The following SGCZ variants were observed in gnomAD, a reference collection of about 807,000 sequenced individuals.
The protein encoded by SGCZ is zeta-sarcoglycan.
SGCZ carries 40 observed loss-of-function variants against 41.3 expected under a neutral mutation model. The ratio of observed to expected loss-of-function variants is 0.97; its 90% CI spans 0.75 to 1.26. SGCZ has a LOEUF of 1.26. SGCZ is among the 50% of genes most tolerant of loss of function. SGCZ has a pLI of 0.00. For synonymous variants in SGCZ, 206 were observed against 137.5 expected, an observed-to-expected ratio of 1.50 and a Z score of -3.49; for missense variants, 552 against 369.8, an observed-to-expected ratio of 1.49 and a Z score of -4.04.
intron 1 of SGCZ, among the ~76,000 whole-genome samples, chr8:15,055,892 G>C (rs1198908635): frequency 2.0e-5 from 3 of 152,276 alleles, no homozygotes; most frequent in Middle Eastern, 3.4e-3. Context: ...CAGTTCCCCT[G>C]TGACCTGCTC....
At chr8:14,240,027 G>C (rs953245781) in intron 3 of SGCZ, among the ~76,000 whole-genome samples, 10 of 151,458 alleles carry the variant, frequency 6.6e-5, no homozygotes, top group African/African-American at 1.9e-4. Context: ...AAATAGACTT[G>C]TTAGAATGGA....
At chr8:14,221,094 A>T (rs1312799979) in intron 4 of SGCZ, among the ~76,000 whole-genome samples, 1 of 152,218 alleles carries the variant, frequency 6.6e-6, no homozygotes, top group Non-Finnish European at 1.5e-5. Flanking sequence ...ACGGAAAAAA[A>T]TGCCAATAAA....
intron 5 of SGCZ, among the ~76,000 whole-genome samples, chr8:14,116,289 A>G (rs1802519838): frequency 6.6e-6 from 1 of 152,120 alleles, no homozygotes; most frequent in South Asian, 2.1e-4. Flanking sequence ...ATAAACTGAC[A>G]TATGAAATTA....
chr8:14,823,070 A>AAAAAAAAAAAAAAAAAAAAAAC (rs1802168765), intron 1 of SGCZ, among the ~76,000 whole-genome samples: 1 of 151,378 alleles, frequency 6.6e-6, no homozygotes, highest in Admixed American at 6.6e-5. Context: ...AAAAAAAAAA[A>AAAAAAAAAAAAAAAAAAAAAAC]AAAAAAAGAC....
intron 7 of SGCZ, among the ~76,000 whole-genome samples, chr8:14,093,657 A>C (rs143698877): frequency 0.022 from 3,398 of 152,126 alleles, 53 homozygotes; most frequent in Middle Eastern, 0.071. Context: ...TGCTTTTTAA[A>C]TTTCTGAACC....
At chr8:14,649,793 A>G (rs1807338709) in intron 1 of SGCZ, among the ~76,000 whole-genome samples, 1 of 152,090 alleles carries the variant, frequency 6.6e-6, no homozygotes, top group Non-Finnish European at 1.5e-5. Flanking sequence ...GATGACCAGC[A>G]CAGGAATAAA....
chr8:14,161,192 CTT>C (rs1198515611), intron 5 of SGCZ: 1 of 152,196 alleles, frequency 6.6e-6, no homozygotes, highest in Non-Finnish European at 1.5e-5. Flanking sequence ...ACTAGTCAAT[CTT>C]AACGCTCTAA....
At chr8:15,179,663 G>T (rs1294747624) in intron 1 of SGCZ, among the ~76,000 whole-genome samples, 3 of 152,116 alleles carry the variant, frequency 2.0e-5, no homozygotes, top group Non-Finnish European at 4.4e-5. Flanking sequence ...AAAAGAAAAT[G>T]AGTACTGTTT....
intron 1 of SGCZ, among the ~76,000 whole-genome samples, chr8:14,794,197 T>C (rs899076461): frequency 6.6e-6 from 1 of 152,070 alleles, no homozygotes; most frequent in Non-Finnish European, 1.5e-5. Context: ...TAAAAAATTA[T>C]CCAAACCAAA....
intron 1 of SGCZ, among the ~76,000 whole-genome samples, chr8:14,817,383 G>A (rs1403053063): frequency 2.6e-5 from 4 of 152,114 alleles, no homozygotes; most frequent in East Asian, 1.9e-4. Context: ...GTCCTCACAG[G>A]CCCTGAATCC....
chr8:15,174,757 A>G (rs866376121), intron 1 of SGCZ, among the ~76,000 whole-genome samples: 26 of 152,308 alleles, frequency 1.7e-4, no homozygotes, highest in African/African-American at 5.8e-4. Flanking sequence ...ATGGAACTGT[A>G]TCTCATCACA....
chr8:14,283,647 A>AATTCAAG lies in SGCZ; in HGVS notation c.336+40449_336+40455dup, dbSNP rs1412980532. On this transcript the variant is annotated intron_variant, in intron 3 of 7. Transcript: ENST00000382080. ...TTACATAACCATGTTATAATTCTCA[A>AATTCAAG]ATTCAAGATTTTGAACATTGCAGAG... 3.3e-5 allele frequency among the ~76,000 whole-genome samples: 5 copies of AATTCAAG among 152,232 alleles called. No homozygotes were observed. In the South Asian group the frequency reaches 8.3e-4, roughly 25 times the overall value.
intron 2 of SGCZ, among the ~76,000 whole-genome samples, chr8:14,505,257 T>G (rs1041163116): frequency 6.6e-6 from 1 of 152,138 alleles, no homozygotes; most frequent in African/African-American, 2.4e-5. Flanking sequence ...CACTTTGAAA[T>G]ATGTGTATAT....
At chr8:14,916,306 G>T (rs550415629) in intron 1 of SGCZ, among the ~76,000 whole-genome samples, 1 of 152,198 alleles carries the variant, frequency 6.6e-6, no homozygotes, top group Non-Finnish European at 1.5e-5. Context: ...TATACATATA[G>T]CACAGAAAAC....
intron 1 of SGCZ, among the ~76,000 whole-genome samples, chr8:15,079,550 T>C (rs999935809): frequency 1.3e-5 from 2 of 152,248 alleles, no homozygotes; most frequent in African/African-American, 2.4e-5. Flanking sequence ...TACTAGGCTA[T>C]ATTTCTCAAC....
intron 1 of SGCZ, among the ~76,000 whole-genome samples, chr8:15,172,403 G>A (rs983313139): frequency 2.0e-5 from 3 of 151,568 alleles, no homozygotes; most frequent in Non-Finnish European, 4.4e-5. Context: ...CTCGTGATCT[G>A]CCCGTCTCGG....
At chr8:14,178,759 T>C (rs988626762) in intron 4 of SGCZ, among the ~76,000 whole-genome samples, 1 of 152,232 alleles carries the variant, frequency 6.6e-6, no homozygotes, top group Non-Finnish European at 1.5e-5. Flanking sequence ...TTATCATGAA[T>C]AATACAGATA....
chr8:14,376,431 G>C (rs991982769), intron 2 of SGCZ, among the ~76,000 whole-genome samples: 1 of 152,132 alleles, frequency 6.6e-6, no homozygotes, highest in Non-Finnish European at 1.5e-5. Flanking sequence ...AGATTTGAAA[G>C]GTTAGATGAC....
chr8:14,554,404 C>G (rs575356817), intron 2 of SGCZ, among the ~76,000 whole-genome samples: 4 of 151,904 alleles, frequency 2.6e-5, no homozygotes, highest in African/African-American at 9.7e-5. Context: ...CTTCTAAAAG[C>G]AGGCTAATTT....
Sources: allele counts gnomAD v4.1 joint callset (sites outside exome capture counted in the v4.1 genomes callset), GRCh38; gene constraint gnomAD v4.1.1; transcripts MANE v1.5; gene names NCBI Gene and HGNC (gene_info 2026-07-23, HGNC 2026-07-21).